Variants in WWC2 observed in about 807,000 individuals in gnomAD.
WWC2 encodes WW and C2 domain containing 2.
Under a neutral mutation model 138.5 loss-of-function variants are expected in WWC2, and 101 were observed. The observed-to-expected ratio is 0.73, with a 90% CI of 0.62 to 0.86. The LOEUF (loss-of-function observed/expected upper bound fraction) is 0.86, where lower values mean the gene tolerates loss of function less well. WWC2 is among the 40% of genes least tolerant of loss of function. The pLI is 0.00. For synonymous variants in WWC2, 558 were observed against 538.4 expected (o/e 1.04, Z -0.50); for missense variants, 1,420 against 1,419.4 (o/e 1.00, Z -0.01).
At chr4:183,116,777 T>G (rs1231483775) in intron 1 of WWC2, among the ~76,000 whole-genome samples, 1 of 152,250 alleles carries the variant, frequency 6.6e-6, no homozygotes, top group Non-Finnish European at 1.5e-5. Flanking sequence ...AAACTATTAC[T>G]TTTTCAGAAT....
intron 1 of WWC2, among the ~76,000 whole-genome samples, chr4:183,139,185 T>G (rs188506759): frequency 6.6e-6 from 1 of 152,268 alleles, no homozygotes; most frequent in Non-Finnish European, 1.5e-5. Context: ...CAAGGTTCAG[T>G]TGGGAGTCAG....
At chr4:183,272,768 G>A (rs138372839) in intron 16 of WWC2, among the ~76,000 whole-genome samples, 35 of 152,260 alleles carry the variant, frequency 2.3e-4, no homozygotes, top group African/African-American at 8.2e-4. Context: ...GTACCTCCAT[G>A]GTGTTGCAGT....
At chr4:183,265,150 A>G (rs1393485536) in intron 12 of WWC2, 43 bp downstream of exon 12, 1 of 1,574,588 alleles carries the variant, frequency 6.4e-7, no homozygotes, top group South Asian at 1.2e-5. Flanking sequence ...GCGAATCTCC[A>G]TCGCCGTGGA....
At chr4:183,164,347 ATTATATATAC>A (rs1561443907) in intron 1 of WWC2, among the ~76,000 whole-genome samples, 1 of 360 alleles carries the variant, frequency 2.8e-3, no homozygotes, top group East Asian at 0.17. Context: ...ACATATATAT[ATTATATATAC>A]ATATATATAT....
At chr4:183,104,710 G>C (rs1290266419) in intron 1 of WWC2, among the ~76,000 whole-genome samples, 1 of 152,118 alleles carries the variant, frequency 6.6e-6, no homozygotes, top group African/African-American at 2.4e-5. Flanking sequence ...TTTAAAGTAT[G>C]CTGTCTTCCA....
Position 183,190,159 on chromosome 4 carries a change from G to T in WWC2, c.132-3440G>T, listed in dbSNP as rs188205977. Among the ~76,000 whole-genome samples, 55 of 152,244 alleles carry T rather than the reference G, an allele frequency of 3.6e-4. 2 individuals carry two copies. In the East Asian group the frequency reaches 0.01, roughly 29 times the overall value. On this transcript the variant is annotated intron_variant, in intron 1 of 22. Coordinates refer to ENST00000403733, the MANE Select transcript of WWC2 (RefSeq NM_024949.6). ...AGACTCTAGTTAATTTCAGGATTTT[G>T]TTGTTATTGTTGTTGTTGCTTGTTG...
chr4:183,261,419 T>A lies in WWC2; in HGVS notation c.1796T>A (p.Leu599His). Residue 599 changes from leucine (L) to histidine (H), a missense_variant, in exon 11 of 23, where the codon CTC becomes CAC. Transcript: ENST00000403733. Reference sequence around the variant, plus strand: ...AGTAGCCATTTTGCAGATATCAGCCTCATCGAAAATCAGATTTTGCTGGAT... The same window carrying A: ...AGTAGCCATTTTGCAGATATCAGCCACATCGAAAATCAGATTTTGCTGGAT... Reference protein sequence around the residue: ...ELSSHFADISLIENQILLDSD... With the variant: ...ELSSHFADISHIENQILLDSD... The A allele has an allele frequency of 6.2e-7, 1 of 1,612,630 alleles. No individual in the cohort carries two copies. The highest frequency in any genetic ancestry group is 8.5e-7 in the Non-Finnish European group (1 of 1,179,276).
In WWC2 at chr4:183,319,489, G is replaced by A. The variant is rs771779883; in HGVS notation, c.*3760G>A. On this transcript the variant is annotated 3_prime_UTR_variant, in exon 23 of 23. Coordinates refer to ENST00000403733, the MANE Select transcript of WWC2 (RefSeq NM_024949.6). ...AAAAGCACAGTGAGATGACTAGAGC[G>A]GGACATCCTACCAAATCCAGTGTTG... 1,883 of 1,439,356 alleles carry A rather than the reference G, an allele frequency of 1.3e-3. 2 individuals carry two copies. The highest frequency in any genetic ancestry group is 1.6e-3 in the Non-Finnish European group (1,667 of 1,061,526). 89.2% of individuals were successfully genotyped at this position (1,439,356 alleles called of 1,614,324 possible).
At position 183,319,494 on chromosome 4, in the gene WWC2, A is replaced by T; in HGVS notation, c.*3765A>T. 6.8e-7 allele frequency: 1 copy of T among 1,475,856 alleles called. No individual in the cohort carries two copies. The highest frequency in any genetic ancestry group is 9.1e-7 in the Non-Finnish European group (1 of 1,093,542). The allele number at this position is 1,475,856 out of a possible 1,614,324, so 91.4% of individuals were successfully genotyped here. A position where few individuals can be genotyped will look rare whatever the true frequency, so the allele number is the denominator to read the frequency against. On this transcript the variant is annotated 3_prime_UTR_variant, in exon 23 of 23. Transcript: ENST00000403733. ...CACAGTGAGATGACTAGAGCGGGAC[A>T]TCCTACCAAATCCAGTGTTGAGCAA...
At chr4:183,223,755 T>G (rs912954546) in intron 4 of WWC2, among the ~76,000 whole-genome samples, 1 of 152,148 alleles carries the variant, frequency 6.6e-6, no homozygotes, top group Non-Finnish European at 1.5e-5. Context: ...TCACCTTGTC[T>G]TACCCAGAAG....
intron 1 of WWC2, among the ~76,000 whole-genome samples, chr4:183,172,556 G>GTTTTT (rs61599876): frequency 7.1e-5 from 8 of 113,042 alleles, no homozygotes; most frequent in Admixed American, 2.7e-4. Context: ...TATGTTTCTT[G>GTTTTT]TTTTTTTTTT....
intron 11 of WWC2, among the ~76,000 whole-genome samples, chr4:183,262,731 C>T (rs1208221098): frequency 6.6e-6 from 1 of 152,130 alleles, no homozygotes; most frequent in African/African-American, 2.4e-5. Context: ...AACAGAAAGC[C>T]GCGTGGGGCC....
intron 4 of WWC2, among the ~76,000 whole-genome samples, chr4:183,214,246 T>G (rs1259890559): frequency 6.6e-6 from 1 of 152,180 alleles, no homozygotes; most frequent in African/African-American, 2.4e-5. Flanking sequence ...CTATCTTTTG[T>G]TCTCAAGTAT....
At chr4:183,133,716 T>C (rs971881082) in intron 1 of WWC2, among the ~76,000 whole-genome samples, 2 of 152,072 alleles carry the variant, frequency 1.3e-5, no homozygotes, top group East Asian at 1.9e-4. Flanking sequence ...AGGCTGGTCT[T>C]GAACTCCTCA....
chr4:183,280,669 G>A (rs1738039795), intron 16 of WWC2, 107 bp from the exon 17 acceptor site: 4 of 1,193,736 alleles, frequency 3.4e-6, no homozygotes, highest in Non-Finnish European at 4.6e-6. Flanking sequence ...TTCAGCAGGA[G>A]AGTTGAGTCG....
chr4:183,260,894 G>A lies in WWC2; in HGVS notation c.1287-16G>A, dbSNP rs1737300355. 1.2e-6 allele frequency: 2 copies of A among 1,611,380 alleles called. No homozygotes were observed. The highest frequency in any genetic ancestry group is 1.3e-5 in the African/African-American group (1 of 74,826). On this transcript the variant is annotated splice_polypyrimidine_tract_variant and intron_variant, in intron 10 of 22. Transcript: ENST00000403733. ...TTTTGTAACAGATTTTATGGTGTGT[G>A]CTTTTTGTCTTTCAGCCTCTCTGCC...
At chr4:183,169,048 A>G (rs1287030340) in intron 1 of WWC2, among the ~76,000 whole-genome samples, 1 of 151,818 alleles carries the variant, frequency 6.6e-6, no homozygotes, top group East Asian at 1.9e-4. Context: ...GGGTTTCTCC[A>G]TGTTGGTCAG....
chr4:183,239,391 GAGA>G (rs1206966304), intron 4 of WWC2, among the ~76,000 whole-genome samples: 2 of 152,078 alleles, frequency 1.3e-5, no homozygotes, highest in Admixed American at 6.5e-5. Context: ...TAACCCTTGT[GAGA>G]AGACCTTTAT....
chr4:183,149,729 T>C lies in WWC2; in HGVS notation c.132-43870T>C, dbSNP rs1368643366. On this transcript the variant is annotated intron_variant, in intron 1 of 22. Transcript: ENST00000403733. ...TGTGCAAGTTTGTATTTCTTGTAAA[T>C]TGATAGTGGATCTAGAGATTTGCTC... Among the ~76,000 whole-genome samples the C allele has an allele frequency of 2.6e-5, 4 of 151,286 alleles. No homozygotes were observed. In the East Asian group the frequency reaches 7.7e-4, roughly 29 times the overall value.
Sources: allele counts gnomAD v4.1 joint callset (sites outside exome capture counted in the v4.1 genomes callset), GRCh38; gene constraint gnomAD v4.1.1; transcripts MANE v1.5; gene names NCBI Gene and HGNC (gene_info 2026-07-23, HGNC 2026-07-21).